HK1: variants seen among roughly 807,000 people sequenced by gnomAD.
HK1 encodes hexokinase 1.
Under a neutral mutation model 91.6 loss-of-function variants are expected in HK1, and 28 were observed. The observed-to-expected ratio is 0.31, with a 90% CI of 0.23 to 0.42. The LOEUF (loss-of-function observed/expected upper bound fraction) is 0.42. Among genes scored for constraint, HK1 ranks in the 10% least tolerant of loss-of-function variants. The pLI, the probability that HK1 is intolerant of heterozygous loss-of-function variation, is 1.00. For synonymous variants in HK1, 430 were observed against 468.1 expected, an observed-to-expected ratio of 0.92 and a Z score of 1.05; for missense variants, 770 against 1,219.8, an observed-to-expected ratio of 0.63 and a Z score of 5.49.
chr10:69,388,533 T>A (rs1214200081), intron 13 of HK1, among the ~76,000 whole-genome samples: 1 of 146,994 alleles, frequency 6.8e-6, no homozygotes, highest in Non-Finnish European at 1.5e-5. Flanking sequence ...TCCATGCATA[T>A]GCCAACACAC....
intron 3 of HK1, among the ~76,000 whole-genome samples, chr10:69,289,720 C>T (rs1845206039): frequency 6.6e-6 from 1 of 151,700 alleles, no homozygotes; most frequent in Admixed American, 6.6e-5. Flanking sequence ...GATCCGCCCA[C>T]CTCAGCCTCC....
intron 17 of HK1, among the ~76,000 whole-genome samples, chr10:69,399,686 A>G (rs1244988317): frequency 6.6e-6 from 1 of 152,044 alleles, no homozygotes; most frequent in African/African-American, 2.4e-5. Context: ...AGGACATGTG[A>G]TTGCACTTGC....
rs781542434 is a variant in HK1 at position 69,384,468 on chromosome 10, G to A, written c.1706G>A (p.Gly569Asp). The part of the protein sequence containing the change: ...IYAIPIEIMQ[G>D]TGEELFDHIV... ...GCCATTCCTATTGAAATCATGCAGG[G>A]CACTGGGGAAGAGGTGAGATTACAA... Residue 569 changes from glycine (G) to aspartate (D), a missense_variant, in exon 11 of 18, where the codon GGC (glycine) becomes GAC (aspartate). Gly to Asp is a moderately conservative substitution (Grantham distance 94, BLOSUM62 -1). Coordinates refer to ENST00000359426, the MANE Select transcript of HK1 (RefSeq NM_000188.3). 6.2e-7 allele frequency: 1 copy of A among 1,614,218 alleles called. No individual in the cohort carries two copies. The highest frequency in any genetic ancestry group is 8.5e-7 in the Non-Finnish European group (1 of 1,180,048).
rs1335742569 is a variant in HK1 at position 69,318,860 on chromosome 10, C to T, written c.-88C>T. ...GGGGAGGAGGAGGAGGAGGAGCCGC[C>T]GAGCAGCCGCCGGAGGACCACGGCT... On this transcript the variant is annotated 5_prime_UTR_variant, in exon 1 of 18. Transcript: ENST00000359426. 4.7e-6 allele frequency: 7 copies of T among 1,498,252 alleles called. No homozygotes were observed. Among genetic ancestry groups the T allele is most frequent in the African/African-American group, 1.5e-5 (1 of 68,358 alleles). 92.8% of individuals were successfully genotyped at this position (1,498,252 alleles called of 1,614,324 possible). A position where few individuals can be genotyped will look rare whatever the true frequency, so the allele number is the denominator to read the frequency against.
At chr10:69,300,176 C>G (rs548100489) in intron 4 of HK1, among the ~76,000 whole-genome samples, 1 of 151,802 alleles carries the variant, frequency 6.6e-6, no homozygotes, top group Non-Finnish European at 1.5e-5. Context: ...TTCATCACCC[C>G]CCAAAATCCC....
At chr10:69,303,148 A>T (rs1845960673) in intron 5 of HK1, among the ~76,000 whole-genome samples, 1 of 151,848 alleles carries the variant, frequency 6.6e-6, no homozygotes, top group African/African-American at 2.4e-5. Context: ...AACACATTGG[A>T]ATTTTGTTTT....
chr10:69,351,172 C>T (rs539097885), intron 2 of HK1, among the ~76,000 whole-genome samples: 1 of 139,574 alleles, frequency 7.2e-6, no homozygotes, highest in Non-Finnish European at 1.5e-5. Context: ...GAGACTCCGT[C>T]TCAAAATTAA....
intron 2 of HK1, among the ~76,000 whole-genome samples, chr10:69,358,177 A>C (rs1016758683): frequency 1.3e-5 from 2 of 152,154 alleles, no homozygotes; most frequent in African/African-American, 4.8e-5. Flanking sequence ...ATATTAGGAC[A>C]GTGGGGATGT....
At chr10:69,338,786 TGTAG>T in intron 1 of HK1, 1 of 979,470 alleles carries the variant, frequency 1.0e-6, no homozygotes, top group Non-Finnish European at 1.4e-6. Flanking sequence ...AGTGTGTGTG[TGTAG>T]AGAGAGAGGG....
At chr10:69,273,749 A>C (rs1279955353) in intron 1 of HK1, among the ~76,000 whole-genome samples, 3 of 152,216 alleles carry the variant, frequency 2.0e-5, no homozygotes. Flanking sequence ...TGAATTCTTA[A>C]TTTAAAACAT....
At chr10:69,331,230 C>T (rs1364805237) in intron 1 of HK1, among the ~76,000 whole-genome samples, 1 of 152,240 alleles carries the variant, frequency 6.6e-6, no homozygotes. Context: ...GCTTCTGCGT[C>T]ACCTAAAAAC....
chr10:69,360,809 C>T (rs1849380683), intron 3 of HK1, among the ~76,000 whole-genome samples: 1 of 152,214 alleles, frequency 6.6e-6, no homozygotes, highest in African/African-American at 2.4e-5. Flanking sequence ...TCAGTCATTT[C>T]TGGGTCCCTA....
chr10:69,304,714 T>A (rs1846029600), intron 5 of HK1, among the ~76,000 whole-genome samples: 1 of 152,216 alleles, frequency 6.6e-6, no homozygotes, highest in South Asian at 2.1e-4. Flanking sequence ...TGGAGTTGGA[T>A]AGGTCAGATC....
At chr10:69,334,564 C>G (rs1847884712) in intron 1 of HK1, among the ~76,000 whole-genome samples, 1 of 152,136 alleles carries the variant, frequency 6.6e-6, no homozygotes, top group Non-Finnish European at 1.5e-5. Context: ...GGGGAAGTCT[C>G]CGGGCCTTAT....
intron 4 of HK1, among the ~76,000 whole-genome samples, chr10:69,367,036 C>G (rs1463683783): frequency 6.6e-6 from 1 of 152,166 alleles, no homozygotes; most frequent in Non-Finnish European, 1.5e-5. Flanking sequence ...GCAGATGTAG[C>G]CTGTTCCCCA....
At position 69,382,644 on chromosome 10, in the gene HK1, G is replaced by A. The variant is rs774639220; in HGVS notation, c.1423G>A (p.Ala475Thr). The A allele has an allele frequency of 6.2e-6, 10 of 1,614,180 alleles. No homozygotes were observed. The South Asian group carries it at 1.1e-4, about 18-fold the overall frequency. The change falls in exon 10 of 18, where the codon GCT becomes ACT. Residue 475 changes from alanine (A) to threonine (T), a missense_variant. Ala to Thr is a moderately conservative substitution (Grantham distance 58). This residue lies in a region of HK1 where 449 missense variants were observed against 665.1 expected (regional missense o/e 0.68). Transcript: ENST00000359426. ...GCACCGGCAGATAGAGGAGACCCTG[G>A]CTCATTTCCACCTCACCAAGGACAT... ...EQHRQIEETL[A>T]HFHLTKDMLL...
rs889206016 is a variant in HK1 at position 69,401,590 on chromosome 10, C to T, written c.*455C>T. 4 of 389,720 alleles carry T rather than the reference C, an allele frequency of 1.0e-5. No individual in the cohort carries two copies. The highest frequency in any genetic ancestry group is 1.9e-5 in the South Asian group (1 of 53,476). The allele number at this position is 389,720 out of a possible 1,614,324, so 24.1% of individuals were successfully genotyped here. On this transcript the variant is annotated 3_prime_UTR_variant, in exon 18 of 18. Transcript: ENST00000359426. The stretch of plus-strand genomic sequence containing the variant: ...CCCTCCCGGGGGCACTGCCTGAAGG[C>T]GAGTGTGGGCATAGCATTAGCTGCT...
Position 69,396,331 on chromosome 10 carries a change from C to T in HK1, c.2375+1226C>T, listed in dbSNP as rs746472329. Among the ~76,000 whole-genome samples the T allele has an allele frequency of 2.0e-3, 295 of 150,026 alleles. 1 individual carries two copies. The highest frequency in any genetic ancestry group is 3.4e-3 in the Non-Finnish European group (226 of 67,186). On this transcript the variant is annotated intron_variant, in intron 16 of 17. Coordinates refer to ENST00000359426, the MANE Select transcript of HK1 (RefSeq NM_000188.3). ...ATATTAAACCTTAAACAAAAAAAAA[C>T]CTAACAAGCCTATACACTGCTCTTA... is the stretch of plus-strand genomic sequence containing the variant.
At chr10:69,386,582 G>A in intron 13 of HK1, 164 bp downstream of exon 13, 1 of 520,728 alleles carries the variant, frequency 1.9e-6, no homozygotes, top group South Asian at 1.8e-5. Context: ...AGGAGTTCTA[G>A]ACCAGCCCGG....
Sources: allele counts gnomAD v4.1 joint callset (sites outside exome capture counted in the v4.1 genomes callset), GRCh38; gene constraint gnomAD v4.1.1; regional missense constraint gnomAD v4.1.1; transcripts MANE v1.5; gene names NCBI Gene and HGNC (gene_info 2026-07-23, HGNC 2026-07-21).